The following UBL3 variants were observed in gnomAD, a reference collection of about 807,000 sequenced individuals.
UBL3 encodes the protein ubiquitin-like protein 3.
UBL3 carries 6 observed loss-of-function variants against 18.4 expected under a neutral mutation model. The ratio of observed to expected loss-of-function variants is 0.33; its 90% CI spans 0.18 to 0.64. The LOEUF is 0.64. Among genes scored for constraint, UBL3 ranks in the 30% least tolerant of loss-of-function variants. The pLI is 0.76. For synonymous variants in UBL3, 49 were observed against 46.6 expected (o/e 1.05, Z -0.21); for missense variants, 109 against 142.9 (o/e 0.76, Z 1.21).
At chr13:29,829,889 A>G (rs1208469795) in intron 1 of UBL3, among the ~76,000 whole-genome samples, 1 of 152,176 alleles carries the variant, frequency 6.6e-6, no homozygotes, top group Non-Finnish European at 1.5e-5. Context: ...AAGAATGGTC[A>G]ATTTGGGAAA....
intron 2 of UBL3, among the ~76,000 whole-genome samples, chr13:29,773,930 C>A (rs1164941211): frequency 1.3e-5 from 2 of 152,004 alleles, no homozygotes; most frequent in East Asian, 1.9e-4. Flanking sequence ...TTAATATTTG[C>A]CACACATTTG....
chr13:29,849,524 G>C lies in UBL3; in HGVS notation c.15C>G (p.Val5=), dbSNP rs749491180. 9 of 1,613,834 alleles carry C rather than the reference G, an allele frequency of 5.6e-6. No homozygotes were observed. In the African/African-American group the frequency reaches 1.2e-4, roughly 22 times the overall value. Residue 5 remains valine, a synonymous_variant, in exon 1 of 5, where the codon GTC becomes GTG. Coordinates refer to ENST00000380680, the MANE Select transcript of UBL3 (RefSeq NM_007106.4). MSSN[V]PADMINLRLI... is the part of the protein sequence containing the mutation. ...ATCCGTCACTTACCATATCCGCCGG[G>C]ACATTACTGGACATCTTGCCGTTTG...
intron 1 of UBL3, among the ~76,000 whole-genome samples, chr13:29,831,480 C>T (rs1426948059): frequency 2.0e-5 from 3 of 151,210 alleles, no homozygotes; most frequent in African/African-American, 2.4e-5. Context: ...CCCAGCTATT[C>T]GGGAGGCTGA....
intron 1 of UBL3, among the ~76,000 whole-genome samples, chr13:29,847,331 T>C (rs942471728): frequency 3.3e-5 from 5 of 152,258 alleles, no homozygotes; most frequent in Admixed American, 1.3e-4. Context: ...CAGGGCATTA[T>C]ATATTTATTA....
chr13:29,819,500 G>GA (rs1373870569), intron 1 of UBL3, among the ~76,000 whole-genome samples: 1 of 151,994 alleles, frequency 6.6e-6, no homozygotes, highest in Non-Finnish European at 1.5e-5. Flanking sequence ...TACAAAGCTG[G>GA]AAAAAAATTA....
chr13:29,788,476 T>C (rs1593655924), intron 1 of UBL3, among the ~76,000 whole-genome samples: 1 of 152,022 alleles, frequency 6.6e-6, no homozygotes, highest in South Asian at 2.1e-4. Flanking sequence ...AGAACCTGGG[T>C]TTTCTTCTTC....
chr13:29,809,607 C>G (rs551434509), intron 1 of UBL3, among the ~76,000 whole-genome samples: 2 of 152,212 alleles, frequency 1.3e-5, no homozygotes, highest in South Asian at 4.1e-4. Flanking sequence ...TCCTTAGGAA[C>G]AGAAGCTGAC....
At chr13:29,794,624 T>C (rs933867199) in intron 1 of UBL3, among the ~76,000 whole-genome samples, 3 of 152,218 alleles carry the variant, frequency 2.0e-5, no homozygotes, top group Non-Finnish European at 4.4e-5. Context: ...TATCTTTTAT[T>C]TTTCCTCCAT....
At chr13:29,781,547 C>G (rs1232905719) in intron 1 of UBL3, among the ~76,000 whole-genome samples, 2 of 151,892 alleles carry the variant, frequency 1.3e-5, no homozygotes, top group Non-Finnish European at 2.9e-5. Context: ...CTTAAGTAGA[C>G]AAATAAGCAT....
intron 1 of UBL3, among the ~76,000 whole-genome samples, chr13:29,812,640 T>C (rs1298958101): frequency 6.6e-6 from 1 of 152,004 alleles, no homozygotes; most frequent in Non-Finnish European, 1.5e-5. Context: ...AATTTAAAAA[T>C]TGATATATGA....
intron 1 of UBL3, among the ~76,000 whole-genome samples, chr13:29,788,864 TGTGTGTGCGCGCGCGCGCGCACGCGCAC>T (rs1203002155): frequency 0.13 from 2,685 of 20,714 alleles, 81 homozygotes; most frequent in Middle Eastern, 0.17. Context: ...TGTGTGTGTG[TGTGTGTGCGCGCGCGCGCGCACGCGCAC>T]GTGTGTGCGT....
chr13:29,824,488 T>G (rs886240224), intron 1 of UBL3, among the ~76,000 whole-genome samples: 1 of 152,256 alleles, frequency 6.6e-6, no homozygotes, highest in African/African-American at 2.4e-5. Flanking sequence ...CACGTGCCCA[T>G]TGGCTGCATA....
chr13:29,778,508 C>T (rs1336356968), intron 1 of UBL3, among the ~76,000 whole-genome samples: 1 of 152,166 alleles, frequency 6.6e-6, no homozygotes, highest in Non-Finnish European at 1.5e-5. Context: ...GCCATCTAGC[C>T]TAGTTTCTTT....
At chr13:29,842,352 T>C (rs1441847576) in intron 1 of UBL3, among the ~76,000 whole-genome samples, 2 of 151,984 alleles carry the variant, frequency 1.3e-5, no homozygotes, top group Non-Finnish European at 2.9e-5. Flanking sequence ...GAGATGGGGG[T>C]TTCACCATGT....
chr13:29,840,597 G>C (rs1262406643), intron 1 of UBL3, among the ~76,000 whole-genome samples: 4 of 152,044 alleles, frequency 2.6e-5, no homozygotes, highest in African/African-American at 7.2e-5. Flanking sequence ...TATACCATTT[G>C]AGTAATGTAA....
At chr13:29,800,837 T>C (rs12869833) in intron 1 of UBL3, among the ~76,000 whole-genome samples, 13,659 of 152,208 alleles carry the variant, frequency 0.09, 709 homozygotes, top group African/African-American at 0.13. Context: ...CAGCCATTTT[T>C]GCTGCTCAAC....
rs1292970662 is a variant in UBL3, at chr13:29,849,793, T to C, written c.-255A>G. The C allele has an allele frequency of 5.2e-6, 3 of 581,350 alleles. No homozygotes were observed. Among genetic ancestry groups the C allele is most frequent in the Non-Finnish European group, 9.1e-6 (3 of 329,082 alleles). 36.0% of individuals were successfully genotyped at this position (581,350 alleles called of 1,614,324 possible). On this transcript the variant is annotated 5_prime_UTR_variant, in exon 1 of 5. Coordinates refer to ENST00000380680, the MANE Select transcript of UBL3 (RefSeq NM_007106.4). ...ACAGCAGAGGCAGCCCCCGTCGTCGTCGTCGTCGTCAACAGCAGCAGCAGC... is the reference window on the plus strand; with the variant it reads ...ACAGCAGAGGCAGCCCCCGTCGTCGCCGTCGTCGTCAACAGCAGCAGCAGC...
chr13:29,811,837 T>G (rs1465508413), intron 1 of UBL3, among the ~76,000 whole-genome samples: 1 of 152,066 alleles, frequency 6.6e-6, no homozygotes, highest in Non-Finnish European at 1.5e-5. Context: ...TTGTTTGGGG[T>G]TTTTGTGTTT....
chr13:29,850,097 G>T lies in UBL3; in HGVS notation c.-559C>A, dbSNP rs539637635. On this transcript the variant is annotated 5_prime_UTR_variant, in exon 1 of 5. Transcript: ENST00000380680. ...AGAGCCGCTGTCGGAGCGCCCGCGC[G>T]GACAGCGCGGGGAAACGGCTCAACT... is the stretch of plus-strand genomic sequence containing the variant. The T allele has an allele frequency of 6.6e-6, 1 of 152,438 alleles. No individual in the cohort carries two copies. Among genetic ancestry groups the T allele is most frequent in the East Asian group, 1.9e-4 (1 of 5,144 alleles). The allele number at this position is 152,438 out of a possible 1,614,324, so 9.4% of individuals were successfully genotyped here.
Sources: allele counts gnomAD v4.1 joint callset (sites outside exome capture counted in the v4.1 genomes callset), GRCh38; gene constraint gnomAD v4.1.1; transcripts MANE v1.5; gene names NCBI Gene and HGNC (gene_info 2026-07-23, HGNC 2026-07-21).